The following ZKSCAN7 variants were observed in gnomAD, a reference collection of about 807,000 sequenced individuals.
ZKSCAN7 encodes the protein zinc finger with KRAB and SCAN domains 7.
Under a neutral mutation model 65.3 loss-of-function variants are expected in ZKSCAN7, and 38 were observed. That is an observed-to-expected ratio of 0.58 (90% CI 0.45 to 0.76). ZKSCAN7 has a LOEUF of 0.76. Ranked by LOEUF, ZKSCAN7 falls within the 30% of genes least tolerant of loss-of-function variation. ZKSCAN7 has a pLI of 0.00. For missense variants in ZKSCAN7, 815 were observed against 913.3 expected (o/e 0.89, Z 1.39); for synonymous variants, 321 against 321.0 (o/e 1.00, Z 0.00).
chr3:44,576,523 T>C (rs1212719810), downstream of ZKSCAN7, among the ~76,000 whole-genome samples: 3 of 152,218 alleles, frequency 2.0e-5, no homozygotes, highest in African/African-American at 7.2e-5. Context: ...AATTTTTTTT[T>C]CATATGTTCT....
At position 44,568,370 on chromosome 3, in the gene ZKSCAN7, CTCAG is replaced by C. The variant is rs755376386; in HGVS notation, c.753_756del (p.Ser251ArgfsTer8). 1.4e-4 allele frequency: 229 copies of C among 1,614,084 alleles called. No homozygotes were observed. The highest frequency in any genetic ancestry group is 1.9e-4 in the Non-Finnish European group (223 of 1,180,030). Reference sequence around the variant, plus strand: ...TCAGAAGAAATGGAAAAGTCTCACACTCAGTCAGAGAGCCCTGCAGTGGAACATG... The same window carrying C: ...TCAGAAGAAATGGAAAAGTCTCACACTCAGAGAGCCCTGCAGTGGAACATG... On this transcript the variant is annotated frameshift_variant, in exon 5 of 6. Transcript: ENST00000426540. LOFTEE classifies it high-confidence loss of function.
At chr3:44,573,479 A>G (rs1699863198), downstream of ZKSCAN7, among the ~76,000 whole-genome samples, 2 of 152,364 alleles carry the variant, frequency 1.3e-5, no homozygotes, top group African/African-American at 2.4e-5. Context: ...GCAAGTTTAG[A>G]AAGAATAATA....
rs1460511933 is a variant in ZKSCAN7, at chr3:44,571,838, T to G, written c.*463T>G. On this transcript the variant is annotated 3_prime_UTR_variant, in exon 6 of 6. Transcript: ENST00000426540. ...TTTAATCTATAACTTTTCATCAGTT[T>G]TGTTCCCTATCTAGAAAACATTTTC... The G allele has an allele frequency of 1.0e-6, 1 of 990,066 alleles. No individual in the cohort carries two copies. The highest frequency in any genetic ancestry group is 1.2e-6 in the Non-Finnish European group (1 of 832,800). 61.3% of individuals were successfully genotyped at this position (990,066 alleles called of 1,614,324 possible).
chr3:44,557,664 G>T, intron 2 of ZKSCAN7, 194 bp downstream of exon 2: 1 of 711,948 alleles, frequency 1.4e-6, no homozygotes, highest in Non-Finnish European at 2.3e-6. Context: ...TAAGCTCTGT[G>T]ATTCACCCTG....
At chr3:44,582,823 CCCCA>C in intron 5 of ZKSCAN7, 1 of 324,330 alleles carries the variant, frequency 3.1e-6, no homozygotes, top group Non-Finnish European at 6.2e-6. Flanking sequence ...GAATGAATGG[CCCCA>C]CCCACCCAAA....
At position 44,567,937 on chromosome 3, in the gene ZKSCAN7, C is replaced by T. The variant is rs1699682245; in HGVS notation, c.618C>T (p.Thr206=). Reference sequence around the variant, plus strand: ...CTCAATGTACTTCTCCAGTTCCTACCCTTCCTCAAGTGGGGAACTCAGGAG... The same window carrying T: ...CTCAATGTACTTCTCCAGTTCCTACTCTTCCTCAAGTGGGGAACTCAGGAG... ...DFAQCTSPVP[T]LPQVGNSGDQ... Residue 206 remains threonine, a synonymous_variant, in exon 4 of 6, where the codon ACC becomes ACT. Coordinates refer to ENST00000426540, the MANE Select transcript of ZKSCAN7 (RefSeq NM_001288590.2). 1 of 1,177,528 alleles carries T rather than the reference C, an allele frequency of 8.5e-7. No homozygotes were observed. Among genetic ancestry groups the T allele is most frequent in the African/African-American group, 1.6e-5 (1 of 64,110 alleles). The allele number at this position is 1,177,528 out of a possible 1,614,324, so 72.9% of individuals were successfully genotyped here.
At position 44,561,369 on chromosome 3, in the gene ZKSCAN7, C is replaced by T. The variant is rs537125953; in HGVS notation, c.423+3899C>T. 3.3e-5 allele frequency among the ~76,000 whole-genome samples: 5 copies of T among 152,300 alleles called. No individual in the cohort carries two copies. The East Asian group carries it at 9.7e-4, about 29-fold the overall frequency. ...TCTACCCCATGATCCAGTCATCTCC[C>T]ACCAGGCCCCTCCTCCAATTCGTTG... is the stretch of plus-strand genomic sequence containing the variant. On this transcript the variant is annotated intron_variant, in intron 2 of 5. Coordinates refer to ENST00000426540, the MANE Select transcript of ZKSCAN7 (RefSeq NM_001288590.2).
intron 5 of ZKSCAN7, chr3:44,582,932 GTGTGTGTGTGTGTGAC>G (rs1385205471): frequency 2.3e-6 from 1 of 429,424 alleles, no homozygotes; most frequent in South Asian, 1.7e-5. Flanking sequence ...GTGTGTGTGT[GTGTGTGTGTGTGTGAC>G]TGAGTTTCAC....
Position 44,570,799 on chromosome 3 carries a change from T to C in ZKSCAN7, c.1689T>C (p.Ser563=). 1 of 1,614,044 alleles carries C rather than the reference T, an allele frequency of 6.2e-7. No homozygotes were observed. The highest frequency in any genetic ancestry group is 1.3e-5 in the African/African-American group (1 of 75,006). The change falls in exon 6 of 6, where the codon AGT becomes AGC. Residue 563 remains serine, a synonymous_variant. Coordinates refer to ENST00000426540, the MANE Select transcript of ZKSCAN7 (RefSeq NM_001288590.2). ...CSECGKAFSR[S]KCLIRHQSLH... ...AATGTGGCAAAGCCTTCAGTCGGAG[T>C]AAATGTCTTATTCGACATCAGAGCC...
chr3:44,575,862 G>A (rs1046844834), downstream of ZKSCAN7, among the ~76,000 whole-genome samples: 1 of 152,212 alleles, frequency 6.6e-6, no homozygotes, highest in African/African-American at 2.4e-5. Context: ...ACAGGCATGA[G>A]CCACTGCGCC....
downstream of ZKSCAN7, among the ~76,000 whole-genome samples, chr3:44,573,125 G>A (rs1022140028): frequency 6.6e-6 from 1 of 152,046 alleles, no homozygotes; most frequent in Non-Finnish European, 1.5e-5. Context: ...TTCATTCCCC[G>A]AAGACATAAG....
chr3:44,583,030 G>A (rs751562939), exon 6 of ZKSCAN7: 15 of 436,500 alleles, frequency 3.4e-5, no homozygotes, highest in South Asian at 2.1e-4. Context: ...GAGTTCAAGC[G>A]ATTCTCCTGC....
chr3:44,557,236 C>T lies in ZKSCAN7; in HGVS notation c.189C>T (p.His63=), dbSNP rs757826745. ...TACACTTCAGGCAATTGTGTTACCA[C>T]GAGATGTCTGGGCCGCAGGAAGCAT... The part of the protein sequence containing the change: ...FRLHFRQLCY[H]EMSGPQEALS... The change falls in exon 2 of 6, where the codon CAC becomes CAT. Residue 63 remains histidine (H), a synonymous_variant. Coordinates refer to ENST00000426540, the MANE Select transcript of ZKSCAN7 (RefSeq NM_001288590.2). The T allele has an allele frequency of 1.2e-5, 20 of 1,614,270 alleles. No homozygotes were observed. The highest frequency in any genetic ancestry group is 9.9e-5 in the South Asian group (9 of 91,088).
chr3:44,568,505 T>G (rs1699700352), intron 5 of ZKSCAN7, 72 bp downstream of exon 5: 2 of 1,547,704 alleles, frequency 1.3e-6, no homozygotes, highest in East Asian at 4.5e-5. Context: ...CCTTGTCTCT[T>G]TAAACTTTTT....
In ZKSCAN7 at chr3:44,571,349, T is replaced by G; in HGVS notation, c.2239T>G (p.Ser747Ala). 1 of 1,614,186 alleles carries G rather than the reference T, an allele frequency of 6.2e-7. No homozygotes were observed. ...HQRTHTGEKS[S>A]GLAWSVS ...GCGAACTCACACTGGAGAGAAGTCCTCAGGTCTGGCTTGGTCAGTTTCTTA... is the reference window on the plus strand; with the variant it reads ...GCGAACTCACACTGGAGAGAAGTCCGCAGGTCTGGCTTGGTCAGTTTCTTA... The change falls in exon 6 of 6, where the codon TCA becomes GCA. Residue 747 changes from serine (S) to alanine (A), a missense_variant. Around this residue, in one of 3 missense-constraint regions of ZKSCAN7, gnomAD observed 578 missense variants for 629.5 expected, o/e 0.92. Coordinates refer to ENST00000426540, the MANE Select transcript of ZKSCAN7 (RefSeq NM_001288590.2).
chr3:44,572,143 A>T lies in ZKSCAN7; in HGVS notation c.*768A>T. ...TGTACATACCAGTTGTTAAATAAATAATTTTTAAAATCTCAGCTCTCACAT... is the reference window on the plus strand; with the variant it reads ...TGTACATACCAGTTGTTAAATAAATTATTTTTAAAATCTCAGCTCTCACAT... On this transcript the variant is annotated 3_prime_UTR_variant, in exon 6 of 6. Coordinates refer to ENST00000426540, the MANE Select transcript of ZKSCAN7 (RefSeq NM_001288590.2). The T allele has an allele frequency of 2.0e-6, 2 of 985,312 alleles. No individual in the cohort carries two copies. The highest frequency in any genetic ancestry group is 2.4e-6 in the Non-Finnish European group (2 of 829,830). The allele number at this position is 985,312 out of a possible 1,614,324, so 61.0% of individuals were successfully genotyped here.
At chr3:44,568,547 G>A (rs1699701373) in intron 5 of ZKSCAN7, 114 bp downstream of exon 5, 7 of 1,469,324 alleles carry the variant, frequency 4.8e-6, no homozygotes, top group South Asian at 1.4e-5. Flanking sequence ...AGTTAAACTA[G>A]AGTGAATAAT....
chr3:44,561,650 G>T (rs1339788979), intron 2 of ZKSCAN7, among the ~76,000 whole-genome samples: 2 of 152,120 alleles, frequency 1.3e-5, no homozygotes, highest in African/African-American at 4.8e-5. Flanking sequence ...TATAGGCATT[G>T]GGTAAATGCT....
intron 5 of ZKSCAN7, chr3:44,580,313 C>T (rs1225207881): frequency 1.2e-6 from 2 of 1,613,772 alleles, no homozygotes; most frequent in African/African-American, 1.3e-5. Context: ...CTTTGCTCTC[C>T]AGCCCAGGTT....
Sources: gnomAD v4.1 joint callset for allele counts (sites outside exome capture counted in the v4.1 genomes callset) on GRCh38, gnomAD v4.1.1 for gene constraint, gnomAD v4.1.1 regional missense constraint, MANE v1.5 for transcripts, NCBI Gene and HGNC (gene_info 2026-07-23, HGNC 2026-07-21) for gene names.